Variants in KIFC2 observed in about 807,000 individuals in gnomAD.
The protein encoded by KIFC2 is kinesin family member C2, also known as kinesin-like protein KIFC2.
A neutral mutation model predicts 91.5 loss-of-function variants in KIFC2; 94 were observed. The ratio of observed to expected loss-of-function variants is 1.03; its 90% CI spans 0.87 to 1.22. The LOEUF (loss-of-function observed/expected upper bound fraction) is 1.22. Ranked by LOEUF, KIFC2 falls within the 50% of genes most tolerant of loss-of-function variation. KIFC2 has a pLI of 0.00. For synonymous variants in KIFC2, 729 were observed against 503.9 expected (o/e 1.45, Z -5.98); for missense variants, 1,357 against 1,103.3 (o/e 1.23, Z -3.26).
Position 144,466,393 on chromosome 8 carries a change from C to A in KIFC2, c.-27C>A. On this transcript the variant is annotated 5_prime_UTR_variant, in exon 1 of 18. Transcript: ENST00000645548. Reference sequence around the variant, plus strand: ...CGCGGGGACGCGGGGCGGCGCGAAGCGGGGCCCTCTGCCGCCCCGCGCTCC... The same window carrying A: ...CGCGGGGACGCGGGGCGGCGCGAAGAGGGGCCCTCTGCCGCCCCGCGCTCC... 2.8e-6 allele frequency: 3 copies of A among 1,061,860 alleles called. No homozygotes were observed. Among genetic ancestry groups the A allele is most frequent in the Non-Finnish European group, 1.2e-6 (1 of 820,644 alleles). 65.8% of individuals were successfully genotyped at this position (1,061,860 alleles called of 1,614,324 possible). A position where few individuals can be genotyped will look rare whatever the true frequency, so the allele number is the denominator to read the frequency against.
In KIFC2 at chr8:144,469,481, C is replaced by T. The variant is rs372159298; in HGVS notation, c.1223-9C>T. 62 of 1,613,862 alleles carry T rather than the reference C, an allele frequency of 3.8e-5. No individual in the cohort carries two copies. The highest frequency in any genetic ancestry group is 4.9e-5 in the Non-Finnish European group (58 of 1,180,022). On this transcript the variant is annotated splice_polypyrimidine_tract_variant and intron_variant, in intron 11 of 17. Transcript: ENST00000645548. ...GCGAGGCATTATGCTGACCTGATCC[C>T]CACTGCAGGAAATATCCGTGTGCTG... is the stretch of plus-strand genomic sequence containing the variant.
chr8:144,472,710 C>G lies in KIFC2; in HGVS notation c.1861+4C>G. On this transcript the variant is annotated splice_donor_region_variant and intron_variant, in intron 16 of 17. Transcript: ENST00000645548. ...CCGCGCGCTCCAGGCACCGCAGGTA[C>G]CACGGCCGGTGCCTGAGCCCTGCGG... The G allele has an allele frequency of 1.3e-6, 2 of 1,593,624 alleles. No homozygotes were observed. Among genetic ancestry groups the G allele is most frequent in the Non-Finnish European group, 8.5e-7 (1 of 1,177,452 alleles).
At chr8:144,468,427 T>C (rs1824781742) in intron 8 of KIFC2, 21 bp downstream of exon 8, 2 of 1,607,282 alleles carry the variant, frequency 1.2e-6, no homozygotes, top group South Asian at 1.1e-5. Context: ...GGCCCAGGGA[T>C]CCATGGCTCA....
chr8:144,466,726 C>CT, intron 1 of KIFC2, 34 bp from the exon 2 acceptor site: 7 of 1,483,124 alleles, frequency 4.7e-6, no homozygotes, highest in Non-Finnish European at 6.3e-6. Context: ...GCTGCCTGCC[C>CT]CCCTCCTCAG....
chr8:144,467,258 C>T lies in KIFC2; in HGVS notation c.386C>T (p.Ala129Val). 6.2e-7 allele frequency: 1 copy of T among 1,613,592 alleles called. No individual in the cohort carries two copies. The highest frequency in any genetic ancestry group is 8.5e-7 in the Non-Finnish European group (1 of 1,180,016). Reference protein sequence around the residue: ...TVTSQLLALLAWLRSPRGRQA... With the variant: ...TVTSQLLALLVWLRSPRGRQA... ...ACCAGTCAGCTCTTGGCCCTTCTGG[C>T]ATGGCTTCGAAGCCCCAGGGGGAGG... Residue 129 changes from alanine (A) to valine (V), a missense_variant, in exon 4 of 18, where the codon GCA (alanine) becomes GTA (valine). Transcript: ENST00000645548.
chr8:144,468,841 A>T lies in KIFC2; in HGVS notation c.1113+7A>T. ...GAGTGAGGCCCGGGGCCAGGTCAGG[A>T]CCCCTCCCCGCCTAGCCCCTCCTCT... On this transcript the variant is annotated splice_region_variant and intron_variant, in intron 10 of 17. Transcript: ENST00000645548. 1 of 1,607,848 alleles carries T rather than the reference A, an allele frequency of 6.2e-7. No homozygotes were observed. The highest frequency in any genetic ancestry group is 8.5e-7 in the Non-Finnish European group (1 of 1,175,314).
chr8:144,470,863 C>T (rs1008460879), intron 12 of KIFC2, among the ~76,000 whole-genome samples: 2 of 152,238 alleles, frequency 1.3e-5, no homozygotes, highest in South Asian at 2.1e-4. Flanking sequence ...CACTGCAGCC[C>T]TTATCTCTCA....
At chr8:144,471,720 TC>T (rs1337381642) in intron 12 of KIFC2, among the ~76,000 whole-genome samples, 2 of 152,196 alleles carry the variant, frequency 1.3e-5, no homozygotes, top group Admixed American at 1.3e-4. Flanking sequence ...TCTCATTGTG[TC>T]TTTTCCCTTC....
At position 144,472,861 on chromosome 8, in the gene KIFC2, C is replaced by A. The variant is rs138388715; in HGVS notation, c.1928C>A (p.Pro643Gln). Residue 643 changes from proline (P) to glutamine (Q), a missense_variant, in exon 17 of 18, where the codon CCG becomes CAG. Pro to Gln is a moderately conservative substitution (Grantham distance 76, BLOSUM62 -1). Transcript: ENST00000645548. ...CGGAAGGCAGGGGCGGCCGGCCCGCCGCGGGGAGACCCAGACGGCGCCCGG... is the reference window on the plus strand; with the variant it reads ...CGGAAGGCAGGGGCGGCCGGCCCGCAGCGGGGAGACCCAGACGGCGCCCGG... ...RARKAGAAGP[P>Q]RGDPDGARRL... 5.7e-4 allele frequency: 872 copies of A among 1,543,136 alleles called. 7 individuals are homozygous for A. In the East Asian group the frequency reaches 0.016, roughly 29 times the overall value.
chr8:144,468,417 G>GGCCCAGGGATCCATGGC lies in KIFC2; in HGVS notation c.888+12_888+28dup. On this transcript the variant is annotated intron_variant, in intron 8 of 17. Transcript: ENST00000645548. The stretch of plus-strand genomic sequence containing the variant: ...GCCCTCCGAGCCCAGGTGGGCATGG[G>GGCCCAGGGATCCATGGC]GCCCAGGGATCCATGGCTCAGGGGT... 6.2e-7 allele frequency: 1 copy of GGCCCAGGGATCCATGGC among 1,611,568 alleles called. No individual in the cohort carries two copies. Among genetic ancestry groups the GGCCCAGGGATCCATGGC allele is most frequent in the Non-Finnish European group, 8.5e-7 (1 of 1,179,096 alleles).
In KIFC2 at chr8:144,467,082, G is replaced by A; in HGVS notation, c.302G>A (p.Ser101Asn). ...FLSVQLGAEE[S>N]CGGPADLGQS... ...TCCGTCCAGCTGGGGGCGGAAGAGA[G>A]CTGCGGGGGCCCGGCGGACCTGGGC... The change falls in exon 3 of 18, where the codon AGC (serine) becomes AAC (asparagine). Residue 101 changes from serine (S) to asparagine (N), a missense_variant. Coordinates refer to ENST00000645548, the MANE Select transcript of KIFC2 (RefSeq NM_001369769.2). 6.3e-7 allele frequency: 1 copy of A among 1,598,602 alleles called. No individual in the cohort carries two copies.
chr8:144,469,062 G>T (rs541249640), intron 10 of KIFC2, among the ~76,000 whole-genome samples: 65 of 152,334 alleles, frequency 4.3e-4, no homozygotes, highest in African/African-American at 1.5e-3. Flanking sequence ...GGAGGAGACA[G>T]ATGATGTGGT....
Position 144,474,177 on chromosome 8 carries a change from C to T in KIFC2, c.*788C>T, listed in dbSNP as rs541365013. ...GTCGCAGACAGCCGCCTCGCCTTGGCTCCCTGTCAACAAGGTGGGGGTGGG... is the reference window on the plus strand; with the variant it reads ...GTCGCAGACAGCCGCCTCGCCTTGGTTCCCTGTCAACAAGGTGGGGGTGGG... On this transcript the variant is annotated 3_prime_UTR_variant, in exon 18 of 18. Coordinates refer to ENST00000645548, the MANE Select transcript of KIFC2 (RefSeq NM_001369769.2). 5.2e-5 allele frequency: 70 copies of T among 1,341,980 alleles called. No individual in the cohort carries two copies. The African/African-American group carries it at 6.3e-4, about 12-fold the overall frequency. The allele number at this position is 1,341,980 out of a possible 1,614,324, so 83.1% of individuals were successfully genotyped here. A position where few individuals can be genotyped will look rare whatever the true frequency, so the allele number is the denominator to read the frequency against.
Position 144,474,169 on chromosome 8 carries a change from C to T in KIFC2, c.*780C>T, listed in dbSNP as rs1825064111. On this transcript the variant is annotated 3_prime_UTR_variant, in exon 18 of 18. Transcript: ENST00000645548. ...CTGCTGTGGTCGCAGACAGCCGCCT[C>T]GCCTTGGCTCCCTGTCAACAAGGTG... 1.3e-5 allele frequency: 16 copies of T among 1,263,994 alleles called. No individual in the cohort carries two copies. Among genetic ancestry groups the T allele is most frequent in the Middle Eastern group, 4.7e-4 (2 of 4,262 alleles). 78.3% of individuals were successfully genotyped at this position (1,263,994 alleles called of 1,614,324 possible). A position where few individuals can be genotyped will look rare whatever the true frequency, so the allele number is the denominator to read the frequency against.
At position 144,468,455 on chromosome 8, in the gene KIFC2, G is replaced by A. The variant is rs1423767704; in HGVS notation, c.888+49G>A. 15 of 1,511,962 alleles carry A rather than the reference G, an allele frequency of 9.9e-6. No individual in the cohort carries two copies. The Middle Eastern group carries it at 5.7e-4, about 57-fold the overall frequency. The allele number at this position is 1,511,962 out of a possible 1,614,324, so 93.7% of individuals were successfully genotyped here. A position where few individuals can be genotyped will look rare whatever the true frequency, so the allele number is the denominator to read the frequency against. ...ATGGCTCAGGGGTGAGGCGGGCTGG[G>A]GTTTTGGGAGGGGCTTATCTGAGGC... is the stretch of plus-strand genomic sequence containing the variant. On this transcript the variant is annotated intron_variant, in intron 8 of 17. Transcript: ENST00000645548.
In KIFC2 at chr8:144,467,720, G is replaced by T. The variant is rs753694078; in HGVS notation, c.622G>T (p.Glu208Ter). The T allele has an allele frequency of 6.2e-7, 1 of 1,613,880 alleles. No homozygotes were observed. The highest frequency in any genetic ancestry group is 8.5e-7 in the Non-Finnish European group (1 of 1,179,950). ...CTCTCTTACTTCTCCCCAGCTGGAG[G>T]AGCTGAAGCAGCAGCTGGAACAGCA... ...LEQLILGQLE[E>*]LKQQLEQQEE... Residue 208 changes from glutamate (E) to a stop codon, truncating the protein, a stop_gained, in exon 6 of 18, where the codon GAG becomes TAG. Coordinates refer to ENST00000645548, the MANE Select transcript of KIFC2 (RefSeq NM_001369769.2). LOFTEE classifies it high-confidence loss of function.
chr8:144,466,335 C>T, upstream of KIFC2: 1 of 402,768 alleles, frequency 2.5e-6, no homozygotes, highest in Non-Finnish European at 3.7e-6. Flanking sequence ...AGCATGCGCA[C>T]CGGCACTGCG....
chr8:144,473,136 C>A lies in KIFC2; in HGVS notation c.2123C>A (p.Ser708Tyr), dbSNP rs1309318792. 1.3e-6 allele frequency: 2 copies of A among 1,558,726 alleles called. No individual in the cohort carries two copies. The highest frequency in any genetic ancestry group is 2.4e-5 in the East Asian group (1 of 41,804). Residue 708 changes from serine to tyrosine, a missense_variant, in exon 18 of 18, where the codon TCC (serine) becomes TAC (tyrosine). By Grantham distance (144) the Ser-to-Tyr change is moderately radical (BLOSUM62 -2). Coordinates refer to ENST00000645548, the MANE Select transcript of KIFC2 (RefSeq NM_001369769.2). ...GTTAVLLLQI[S>Y]TRPEDLGETV... ...ACCCGCGCCTCTTGCCCGCAGATCT[C>A]CACGCGGCCGGAGGATCTCGGGGAG...
Position 144,466,368 on chromosome 8 carries a change from C to A in KIFC2, c.-52C>A. On this transcript the variant is annotated 5_prime_UTR_variant, in exon 1 of 18. Coordinates refer to ENST00000645548, the MANE Select transcript of KIFC2 (RefSeq NM_001369769.2). The stretch of plus-strand genomic sequence containing the variant: ...GCGGCGGGCGGGCGCCGAGTCTGGG[C>A]GCGGGGACGCGGGGCGGCGCGAAGC... 2.6e-6 allele frequency: 2 copies of A among 762,836 alleles called. No individual in the cohort carries two copies. The highest frequency in any genetic ancestry group is 3.4e-6 in the Non-Finnish European group (2 of 583,864). The allele number at this position is 762,836 out of a possible 1,614,324, so 47.3% of individuals were successfully genotyped here.
Sources: allele counts gnomAD v4.1 joint callset (sites outside exome capture counted in the v4.1 genomes callset), GRCh38; gene constraint gnomAD v4.1.1; transcripts MANE v1.5; gene names NCBI Gene and HGNC (gene_info 2026-07-23, HGNC 2026-07-21).